TCAIM: variants seen among roughly 807,000 people sequenced by gnomAD.
TCAIM encodes T-cell activation inhibitor, mitochondrial.
TCAIM carries 36 observed loss-of-function variants against 58.6 expected under a neutral mutation model. That is an observed-to-expected ratio of 0.61 (90% CI 0.47 to 0.81). The LOEUF (loss-of-function observed/expected upper bound fraction) is 0.81. TCAIM is among the 30% of genes least tolerant of loss of function. The pLI is 0.00. For missense variants in TCAIM, 466 were observed against 579.6 expected (o/e 0.80, Z 2.01); for synonymous variants, 172 against 193.6 (o/e 0.89, Z 0.93).
At chr3:44,402,872 C>A (rs907040077) in intron 10 of TCAIM, among the ~76,000 whole-genome samples, 1 of 151,990 alleles carries the variant, frequency 6.6e-6, no homozygotes, top group African/African-American at 2.4e-5. Flanking sequence ...GGTGATGGAA[C>A]CTGGTTGTTT....
At chr3:44,380,938 C>T (rs1366786624) in intron 5 of TCAIM, among the ~76,000 whole-genome samples, 1 of 152,014 alleles carries the variant, frequency 6.6e-6, no homozygotes, top group African/African-American at 2.4e-5. Context: ...CAAAATCTAC[C>T]AAGACTAAAG....
chr3:44,380,237 A>G (rs1405486952), intron 5 of TCAIM, among the ~76,000 whole-genome samples: 1 of 152,210 alleles, frequency 6.6e-6, no homozygotes, highest in Non-Finnish European at 1.5e-5. Flanking sequence ...ACTATAGTTT[A>G]CAATCATCAA....
chr3:44,354,811 G>C lies in TCAIM; in HGVS notation c.29G>C (p.Arg10Thr). The C allele has an allele frequency of 6.2e-7, 1 of 1,611,020 alleles. No individual in the cohort carries two copies. Among genetic ancestry groups the C allele is most frequent in the Non-Finnish European group, 8.5e-7 (1 of 1,179,358 alleles). Reference sequence around the variant, plus strand: ...TTTTGCCACCTGAGACCTATGAGGAGGTAAGCATCATGGTCCAATCTGTAA... The same window carrying C: ...TTTTGCCACCTGAGACCTATGAGGACGTAAGCATCATGGTCCAATCTGTAA... MFCHLRPMR[R>T]LCLEKIFPHW... The change falls in exon 2 of 11, where the codon AGG (arginine) becomes ACG (threonine). Residue 10 changes from arginine (R) to threonine (T), a missense_variant and splice_region_variant. By Grantham distance (71) the Arg-to-Thr change is moderately conservative. Transcript: ENST00000342649.
intron 1 of TCAIM, among the ~76,000 whole-genome samples, chr3:44,347,503 G>A (rs1243601301): frequency 1.3e-5 from 2 of 152,140 alleles, no homozygotes; most frequent in Non-Finnish European, 2.9e-5. Context: ...AGTGGAAAAA[G>A]CATGTTTTGA....
intron 10 of TCAIM, among the ~76,000 whole-genome samples, chr3:44,406,631 G>A (rs2125659887): frequency 6.6e-6 from 1 of 152,318 alleles, no homozygotes; most frequent in South Asian, 2.1e-4. Flanking sequence ...TTTCTATGCA[G>A]TGTTTAAGGG....
intron 5 of TCAIM, among the ~76,000 whole-genome samples, chr3:44,371,884 G>A (rs1701475554): frequency 6.6e-6 from 1 of 152,056 alleles, no homozygotes; most frequent in Non-Finnish European, 1.5e-5. Context: ...TGAAGAATGT[G>A]TGTTTGAACT....
intron 1 of TCAIM, among the ~76,000 whole-genome samples, chr3:44,342,714 CTTT>C (rs768587907): frequency 7.0e-6 from 1 of 142,846 alleles, no homozygotes; most frequent in African/African-American, 2.6e-5. Context: ...TCACTAAAGC[CTTT>C]TTTTTTTTTT....
At chr3:44,376,222 A>G (rs1255432938) in intron 5 of TCAIM, among the ~76,000 whole-genome samples, 1 of 152,266 alleles carries the variant, frequency 6.6e-6, no homozygotes, top group Non-Finnish European at 1.5e-5. Flanking sequence ...AAAGTATACT[A>G]AAATTGACTG....
chr3:44,348,819 G>A (rs1701027317), intron 1 of TCAIM, among the ~76,000 whole-genome samples: 1 of 152,156 alleles, frequency 6.6e-6, no homozygotes, highest in African/African-American at 2.4e-5. Context: ...AACTGGGCTG[G>A]GTTTTTATAT....
intron 10 of TCAIM, among the ~76,000 whole-genome samples, chr3:44,403,648 A>G (rs988598127): frequency 1.3e-5 from 2 of 152,178 alleles, no homozygotes; most frequent in African/African-American, 4.8e-5. Flanking sequence ...ATTGTGAGAA[A>G]GGAAAGTAAA....
At position 44,407,779 on chromosome 3, in the gene TCAIM, GAAC is replaced by G; in HGVS notation, c.*100_*102del. 4 of 1,257,284 alleles carry G rather than the reference GAAC, an allele frequency of 3.2e-6. No homozygotes were observed. Among genetic ancestry groups the G allele is most frequent in the Non-Finnish European group, 4.2e-6 (4 of 945,466 alleles). The allele number at this position is 1,257,284 out of a possible 1,614,324, so 77.9% of individuals were successfully genotyped here. ...TGATATAACAGTATTATTTACATAA[GAAC>G]AAAGTTTCTAACTGCTGCTTTAAAA... On this transcript the variant is annotated 3_prime_UTR_variant, in exon 11 of 11. Transcript: ENST00000342649.
chr3:44,350,728 G>A (rs966311357), intron 1 of TCAIM, among the ~76,000 whole-genome samples: 13 of 152,076 alleles, frequency 8.5e-5, no homozygotes, highest in Non-Finnish European at 1.5e-5. Context: ...ATATGCAGAT[G>A]ATTTTTTTAA....
rs79676948 is a variant in TCAIM at position 44,375,429 on chromosome 3, G to A, written c.572+7721G>A. Among the ~76,000 whole-genome samples, 197 of 152,200 alleles carry A rather than the reference G, an allele frequency of 1.3e-3. 2 individuals carry two copies. Among genetic ancestry groups the A allele is most frequent in the African/African-American group, 4.5e-3 (186 of 41,520 alleles). ...AAAGGAGGAAAAAAAGAGAGGAGGA[G>A]GCGCCAGGCTATTTTTAGCAATCAG... On this transcript the variant is annotated intron_variant, in intron 5 of 10. Transcript: ENST00000342649.
chr3:44,363,943 T>TTTTC (rs1701330160), intron 4 of TCAIM, among the ~76,000 whole-genome samples: 1 of 144,666 alleles, frequency 6.9e-6, no homozygotes, highest in Admixed American at 7.0e-5. Flanking sequence ...TTTTTTTTTT[T>TTTTC]TTTTCATACG....
intron 5 of TCAIM, among the ~76,000 whole-genome samples, chr3:44,391,785 GTAA>G (rs946095151): frequency 6.6e-6 from 1 of 152,108 alleles, no homozygotes; most frequent in Non-Finnish European, 1.5e-5. Flanking sequence ...GCTCAGGGTA[GTAA>G]TATCCAAGAC....
intron 4 of TCAIM, among the ~76,000 whole-genome samples, chr3:44,365,917 T>A (rs13326158): frequency 0.01 from 1,541 of 152,332 alleles, 24 homozygotes; most frequent in African/African-American, 0.035. Flanking sequence ...TAATAGTGAT[T>A]ACCTCAAGTA....
chr3:44,367,332 G>T, intron 4 of TCAIM, 124 bp from the exon 5 acceptor site: 1 of 1,123,240 alleles, frequency 8.9e-7, no homozygotes, highest in Non-Finnish European at 1.2e-6. Context: ...CCATTTACAG[G>T]TGATTTGCTA....
chr3:44,382,000 G>A (rs917806101), intron 5 of TCAIM, among the ~76,000 whole-genome samples: 1 of 152,108 alleles, frequency 6.6e-6, no homozygotes, highest in Non-Finnish European at 1.5e-5. Flanking sequence ...AAATGGAAAG[G>A]CATTCTATGA....
At chr3:44,341,185 A>G (rs1382928576) in intron 1 of TCAIM, 1 of 152,080 alleles carries the variant, frequency 6.6e-6, no homozygotes, top group African/African-American at 2.4e-5. Context: ...GAAAAAGGAA[A>G]AGTCACATTC....
Sources: allele counts gnomAD v4.1 joint callset (sites outside exome capture counted in the v4.1 genomes callset), GRCh38; gene constraint gnomAD v4.1.1; transcripts MANE v1.5; gene names NCBI Gene and HGNC (gene_info 2026-07-23, HGNC 2026-07-21).